Variants in NUMB observed in about 807,000 individuals in gnomAD.
NUMB encodes NUMB endocytic adaptor protein, also known as protein numb homolog.
NUMB carries 29 observed loss-of-function variants against 59.7 expected under a neutral mutation model. The ratio of observed to expected loss-of-function variants is 0.49; its 90% confidence interval spans 0.36 to 0.66. The LOEUF (loss-of-function observed/expected upper bound fraction) is 0.66. Ranked by LOEUF, NUMB falls within the 30% of genes least tolerant of loss-of-function variation. The pLI is 0.00. For synonymous variants in NUMB, 288 were observed against 288.2 expected (o/e 1.00, Z 0.01); for missense variants, 723 against 822.0 (o/e 0.88, Z 1.47).
At position 73,350,173 on chromosome 14, in the gene NUMB, C is replaced by CTTTT. The variant is rs552677993; in HGVS notation, c.126+5449_126+5452dup. On this transcript the variant is annotated intron_variant, in intron 4 of 12. Transcript: ENST00000555238. ...CTCAGGGCAATATGAAACTAGGTGT[C>CTTTT]TTTTTTTTTTTTTTTTTTGAGATGG... Among the ~76,000 whole-genome samples the CTTTT allele has an allele frequency of 2.9e-3, 357 of 121,728 alleles. 4 individuals are homozygous for CTTTT. The highest frequency in any genetic ancestry group is 0.012 in the Middle Eastern group (3 of 248). The allele number at this position is 121,728 out of a possible 152,430, so 79.9% of individuals were successfully genotyped here. A position where few individuals can be genotyped will look rare whatever the true frequency, so the allele number is the denominator to read the frequency against.
intron 1 of NUMB, among the ~76,000 whole-genome samples, chr14:73,448,087 G>A (rs1026484391): frequency 2.0e-5 from 3 of 151,596 alleles, no homozygotes; most frequent in East Asian, 2.0e-4. Flanking sequence ...ATGAGCCACC[G>A]CATCTGGCCT....
At chr14:73,339,685 C>T (rs1892526832) in intron 4 of NUMB, among the ~76,000 whole-genome samples, 1 of 152,132 alleles carries the variant, frequency 6.6e-6, no homozygotes, top group Non-Finnish European at 1.5e-5. Context: ...AGCCACTGTG[C>T]CCAGCCATTA....
chr14:73,403,307 T>C (rs1451456760), intron 2 of NUMB, among the ~76,000 whole-genome samples: 2 of 152,224 alleles, frequency 1.3e-5, no homozygotes, highest in African/African-American at 4.8e-5. Flanking sequence ...TTATGTAAGC[T>C]TTATAGTCAG....
Position 73,365,516 on chromosome 14 carries a change from A to G in NUMB, c.-16+1381T>C, listed in dbSNP as rs188339073. On this transcript the variant is annotated intron_variant, in intron 3 of 12. Transcript: ENST00000555238. ...AAGCTATAGGCTGGGCATGGTAGTAATACCAGCACTTTGGGAGGCTGAGGT... is the reference window on the plus strand; with the variant it reads ...AAGCTATAGGCTGGGCATGGTAGTAGTACCAGCACTTTGGGAGGCTGAGGT... Among the ~76,000 whole-genome samples the G allele has an allele frequency of 2.8e-3, 420 of 152,308 alleles. 4 individuals are homozygous for G. Among genetic ancestry groups the G allele is most frequent in the African/African-American group, 9.7e-3 (402 of 41,562 alleles).
chr14:73,448,364 T>C (rs187775493), intron 1 of NUMB, among the ~76,000 whole-genome samples: 1 of 152,186 alleles, frequency 6.6e-6, no homozygotes, highest in African/African-American at 2.4e-5. Context: ...TTATTTTTTT[T>C]AATTTATAAT....
At chr14:73,436,582 T>G (rs1898061009) in intron 1 of NUMB, among the ~76,000 whole-genome samples, 1 of 152,124 alleles carries the variant, frequency 6.6e-6, no homozygotes, top group Non-Finnish European at 1.5e-5. Flanking sequence ...GCTCCCAAAG[T>G]GTTGAGATTA....
rs71112755 is a variant in NUMB, at chr14:73,437,041, C to CTTT, written c.-233+21449_-233+21451dup. Among the ~76,000 whole-genome samples, 276 of 106,662 alleles carry CTTT rather than the reference C, an allele frequency of 2.6e-3. 2 individuals are homozygous for CTTT. The highest frequency in any genetic ancestry group is 2.9e-3 in the Non-Finnish European group (156 of 53,462). The allele number at this position is 106,662 out of a possible 152,430, so 70.0% of individuals were successfully genotyped here. On this transcript the variant is annotated intron_variant, in intron 1 of 12. Transcript: ENST00000555238. ...TTGTACCTATATATTTTTTCTCTCT[C>CTTT]TTTTTTTTTTTTTTTTTTTTTGTTG...
At chr14:73,382,823 T>C (rs1430168620) in intron 2 of NUMB, among the ~76,000 whole-genome samples, 1 of 151,764 alleles carries the variant, frequency 6.6e-6, no homozygotes, top group Non-Finnish European at 1.5e-5. Flanking sequence ...TGACTGAAAA[T>C]CAAGAGAAAA....
chr14:73,327,934 T>C (rs1041931495), intron 4 of NUMB, among the ~76,000 whole-genome samples: 3 of 152,172 alleles, frequency 2.0e-5, no homozygotes, highest in Admixed American at 1.3e-4. Flanking sequence ...CCCCAGCCTC[T>C]GCAACTACTG....
At chr14:73,308,776 G>C (rs1017652923) in intron 6 of NUMB, among the ~76,000 whole-genome samples, 2 of 152,202 alleles carry the variant, frequency 1.3e-5, no homozygotes, top group Non-Finnish European at 2.9e-5. Context: ...GGGAGAACTG[G>C]GAAAGTATGA....
At chr14:73,345,562 GT>G (rs1283317887) in intron 4 of NUMB, among the ~76,000 whole-genome samples, 3 of 152,168 alleles carry the variant, frequency 2.0e-5, no homozygotes, top group Non-Finnish European at 4.4e-5. Context: ...ATCCCAAGGA[GT>G]TTTTTGTTTA....
chr14:73,412,806 T>C lies in NUMB; in HGVS notation c.-232-2738A>G, dbSNP rs112595998. 6.6e-3 allele frequency among the ~76,000 whole-genome samples: 1,002 copies of C among 151,932 alleles called. 11 individuals are homozygous for C. Among genetic ancestry groups the C allele is most frequent in the African/African-American group, 0.023 (969 of 41,446 alleles). ...CACCATGTCTGGCCAATTCTTCTTA[T>C]TTTTTTATAAGCAGGGTCTTGTCAT... On this transcript the variant is annotated intron_variant, in intron 1 of 12. Transcript: ENST00000555238.
chr14:73,341,506 C>G (rs941560911), intron 4 of NUMB, among the ~76,000 whole-genome samples: 13 of 151,994 alleles, frequency 8.6e-5, no homozygotes, highest in Non-Finnish European at 1.8e-4. Context: ...GGTAAAAGCA[C>G]AAACAAAAAT....
rs77728648 is a variant in NUMB at position 73,278,294 on chromosome 14, G to GGT, written c.1240+985_1240+986dup. Among the ~76,000 whole-genome samples, 5 of 152,034 alleles carry GGT rather than the reference G, an allele frequency of 3.3e-5. No individual in the cohort carries two copies. In the East Asian group the frequency reaches 9.7e-4, roughly 30 times the overall value. The stretch of plus-strand genomic sequence containing the variant: ...CCCGGCACTTTTGGAGGCCAAGGCG[G>GGT]GTGGATCACGAGGTCAGGAGTTCGA... On this transcript the variant is annotated intron_variant, in intron 12 of 12. Transcript: ENST00000555238.
At chr14:73,358,602 C>CTTTTTTTTTTTTTTTTTT in intron 3 of NUMB, among the ~76,000 whole-genome samples, 1 of 118,938 alleles carries the variant, frequency 8.4e-6, no homozygotes, top group Non-Finnish European at 1.8e-5. Context: ...GAAAGCTAGA[C>CTTTTTTTTTTTTTTTTTT]TTTTTTTTTT....
chr14:73,335,709 G>A (rs1237976862), intron 4 of NUMB, among the ~76,000 whole-genome samples: 2 of 151,980 alleles, frequency 1.3e-5, no homozygotes, highest in Admixed American at 6.6e-5. Context: ...CCCTGCTTTC[G>A]TGATTTATCC....
At chr14:73,404,157 G>A (rs1184373032) in intron 2 of NUMB, among the ~76,000 whole-genome samples, 1 of 151,476 alleles carries the variant, frequency 6.6e-6, no homozygotes, top group East Asian at 1.9e-4. Context: ...CACAAGAATC[G>A]CTTGAGCCTG....
chr14:73,384,293 G>T (rs1895389678), intron 2 of NUMB, among the ~76,000 whole-genome samples: 1 of 151,836 alleles, frequency 6.6e-6, no homozygotes, highest in Non-Finnish European at 1.5e-5. Flanking sequence ...GTTTCACTGT[G>T]TTAGCCAGGA....
intron 6 of NUMB, among the ~76,000 whole-genome samples, chr14:73,301,710 G>C (rs536352565): frequency 2.6e-4 from 39 of 152,172 alleles, no homozygotes; most frequent in Admixed American, 7.2e-4. Flanking sequence ...AGGCTCAAGC[G>C]ATCCTCCTGC....
Sources: gnomAD v4.1 joint callset for allele counts (sites outside exome capture counted in the v4.1 genomes callset) on GRCh38, gnomAD v4.1.1 for gene constraint, MANE v1.5 for transcripts, NCBI Gene and HGNC (gene_info 2026-07-23, HGNC 2026-07-21) for gene names.